Variants in GRHL3 observed in about 807,000 individuals in gnomAD.
GRHL3 encodes the protein grainyhead like transcription factor 3.
GRHL3 carries 20 observed loss-of-function variants against 70.3 expected under a neutral mutation model. The ratio of observed to expected loss-of-function variants is 0.28; its 90% CI spans 0.20 to 0.41. The LOEUF is 0.41. Among genes scored for constraint, GRHL3 ranks in the 10% least tolerant of loss-of-function variants. The pLI, the probability that GRHL3 is intolerant of heterozygous loss-of-function variation, is 1.00. For missense variants in GRHL3, 637 were observed against 762.3 expected, an observed-to-expected ratio of 0.84 and a Z score of 1.94; for synonymous variants, 299 against 299.9, an observed-to-expected ratio of 1.00 and a Z score of 0.03.
chr1:24,353,480 A>T (rs1640594550), intron 15 of GRHL3, among the ~76,000 whole-genome samples: 1 of 126,562 alleles, frequency 7.9e-6, no homozygotes, highest in Non-Finnish European at 1.6e-5. Flanking sequence ...GGTGTGTAGT[A>T]GAGGGTAGAT....
intron 13 of GRHL3, 85 bp from the exon 14 acceptor site, chr1:24,347,383 A>C: frequency 8.3e-7 from 1 of 1,207,958 alleles, no homozygotes; most frequent in Non-Finnish European, 1.2e-6. Context: ...GTCAATCTTC[A>C]AGTAACGTTT....
At chr1:24,346,517 A>G (rs202184397) in intron 12 of GRHL3, 36 bp from the exon 13 acceptor site, 19 of 1,520,974 alleles carry the variant, frequency 1.2e-5, no homozygotes, top group East Asian at 4.5e-5. Context: ...GGGGTCCCCA[A>G]GTTTCTCACA....
chr1:24,339,843 A>G, intron 8 of GRHL3, 81 bp downstream of exon 8: 1 of 841,094 alleles, frequency 1.2e-6, no homozygotes, highest in African/African-American at 1.7e-5. Flanking sequence ...TCTTGCACCT[A>G]GGATAGTGTC....
intron 15 of GRHL3, among the ~76,000 whole-genome samples, chr1:24,363,120 A>G (rs1307346586): frequency 2.0e-5 from 3 of 152,206 alleles, no homozygotes; most frequent in African/African-American, 7.2e-5. Flanking sequence ...CTCCAAGCCC[A>G]AGATTCCCAC....
intron 1 of GRHL3, among the ~76,000 whole-genome samples, chr1:24,327,837 G>A (rs1470463462): frequency 6.6e-6 from 1 of 152,056 alleles, no homozygotes; most frequent in African/African-American, 2.4e-5. Flanking sequence ...TCACCTACTG[G>A]CTCCTCAATC....
In GRHL3 at chr1:24,350,136, TC is replaced by T. The variant is rs1640446659; in HGVS notation, c.1694+15del. The T allele has an allele frequency of 6.2e-7, 1 of 1,610,502 alleles. No individual in the cohort carries two copies. Among genetic ancestry groups the T allele is most frequent in the Non-Finnish European group, 8.5e-7 (1 of 1,177,340 alleles). On this transcript the variant is annotated intron_variant, in intron 15 of 15. Transcript: ENST00000361548. ...ATGCAAGCGAGGGTGAGTGCCTAGT[TC>T]ACCCTCCCCCAGCTGGTTGCTCAGT...
At chr1:24,347,964 G>A (rs536253636) in intron 14 of GRHL3, among the ~76,000 whole-genome samples, 9 of 152,202 alleles carry the variant, frequency 5.9e-5, no homozygotes, top group African/African-American at 1.9e-4. Flanking sequence ...CGCTGGCTGG[G>A]GTAGCTGAAG....
chr1:24,339,594 T>G, intron 7 of GRHL3, 74 bp from the exon 8 acceptor site: 1 of 1,072,818 alleles, frequency 9.3e-7, no homozygotes, highest in Non-Finnish European at 1.4e-6. Context: ...AGGCCCAGTT[T>G]TTAATGCCTC....
intron 1 of GRHL3, among the ~76,000 whole-genome samples, chr1:24,320,788 G>C (rs890280129): frequency 2.0e-5 from 3 of 152,170 alleles, no homozygotes; most frequent in Non-Finnish European, 2.9e-5. Context: ...CAATTGGACC[G>C]CAATGAGAAT....
At chr1:24,343,089 TGCCTTAGCACAGACCAGTGGGGA>T (rs1300604143) in intron 11 of GRHL3, 64 bp downstream of exon 11, 47 of 1,601,694 alleles carry the variant, frequency 2.9e-5, no homozygotes, top group Non-Finnish European at 3.6e-5. Context: ...AGGTGGGGCC[TGCCTTAGCACAGACCAGTGGGGA>T]GCAGCCTGCC....
At chr1:24,336,432 C>A in intron 3 of GRHL3, 50 bp from the exon 4 acceptor site, 1 of 1,306,852 alleles carries the variant, frequency 7.7e-7, no homozygotes, top group Non-Finnish European at 1.1e-6. Flanking sequence ...CCAAAGACCC[C>A]CCTTTACCCC....
chr1:24,349,053 A>G (rs1460383716), intron 14 of GRHL3, among the ~76,000 whole-genome samples: 2 of 152,212 alleles, frequency 1.3e-5, no homozygotes, highest in Non-Finnish European at 2.9e-5. Flanking sequence ...TGTACATCCT[A>G]TTACTATGCC....
At chr1:24,343,167 C>T (rs1052963174) in intron 11 of GRHL3, 142 bp downstream of exon 11, 3 of 848,718 alleles carry the variant, frequency 3.5e-6, no homozygotes, top group Admixed American at 4.6e-5. Flanking sequence ...GGGGTTTAAA[C>T]ATGTATATAT....
At chr1:24,347,602 C>T (rs373110914) in intron 14 of GRHL3, 49 bp downstream of exon 14, 5 of 1,364,774 alleles carry the variant, frequency 3.7e-6, no homozygotes, top group Non-Finnish European at 5.2e-6. Context: ...CCTCTAGGCT[C>T]CTGTCCCCAC....
chr1:24,349,730 C>T (rs1409202583), intron 14 of GRHL3, among the ~76,000 whole-genome samples: 3 of 152,126 alleles, frequency 2.0e-5, no homozygotes, highest in African/African-American at 7.2e-5. Context: ...AAAAATGCTG[C>T]TTGACAAGTG....
At position 24,342,827 on chromosome 1, in the gene GRHL3, G is replaced by T; in HGVS notation, c.1285+55G>T. 1 of 1,613,988 alleles carries T rather than the reference G, an allele frequency of 6.2e-7. No individual in the cohort carries two copies. On this transcript the variant is annotated intron_variant, in intron 10 of 15. Coordinates refer to ENST00000361548, the MANE Select transcript of GRHL3 (RefSeq NM_198173.3). The surrounding 1 kb of genome is among the most constrained non-coding windows in gnomAD (Gnocchi z 4.8). ...TCGGCTGGCGTGAAGGGGAGAAGGA[G>T]ACCAGAGGTGGGAGGGACTTGAGTG...
At chr1:24,323,136 A>G (rs948994623) in intron 1 of GRHL3, 14 of 1,449,696 alleles carry the variant, frequency 9.7e-6, no homozygotes, top group South Asian at 1.2e-5. Context: ...TACATGTTAT[A>G]TATTTGTTGT....
rs1302465891 is a variant in GRHL3 at position 24,322,611 on chromosome 1, C to CT, written c.17+3044dup. On this transcript the variant is annotated intron_variant, in intron 1 of 15. Coordinates refer to ENST00000361548, the MANE Select transcript of GRHL3 (RefSeq NM_198173.3). This position sits in a 1 kb window ranked among gnomAD's most constrained non-coding sequence, Gnocchi z 4.4. ...CGGCGGCCCGGGCGGCGCGGGGGTCCTGCGGCTCCGCCAGCTGCTGGGAGC... is the reference window on the plus strand; with the variant it reads ...CGGCGGCCCGGGCGGCGCGGGGGTCCTTGCGGCTCCGCCAGCTGCTGGGAGC... 3.9e-5 allele frequency among the ~76,000 whole-genome samples: 6 copies of CT among 152,336 alleles called. No homozygotes were observed. In the South Asian group the frequency reaches 8.3e-4, roughly 21 times the overall value.
intron 1 of GRHL3, among the ~76,000 whole-genome samples, chr1:24,323,287 A>T (rs997768676): frequency 2.6e-5 from 4 of 152,164 alleles, no homozygotes. Context: ...GGAACTAGTT[A>T]AAAATGCAAA....
Sources: gnomAD v4.1 joint callset for allele counts (sites outside exome capture counted in the v4.1 genomes callset) on GRCh38, gnomAD v4.1.1 for gene constraint, Gnocchi (gnomAD v3.1) non-coding constraint, MANE v1.5 for transcripts, NCBI Gene and HGNC (gene_info 2026-07-23, HGNC 2026-07-21) for gene names.